Variants in RELN observed in about 807,000 individuals in gnomAD.
RELN encodes the protein reelin.
A neutral mutation model predicts 427.6 loss-of-function variants in RELN; 108 were observed. The observed-to-expected ratio is 0.25, with a 90% CI of 0.22 to 0.30. RELN has a LOEUF of 0.30. RELN is among the 10% of genes least tolerant of loss of function. RELN has a pLI of 1.00. For missense variants in RELN, 3,715 were observed against 4,302.8 expected (o/e 0.86, Z 3.82); for synonymous variants, 1,524 against 1,513.4 (o/e 1.01, Z -0.16).
At chr7:103,977,178 G>A (rs1796895411) in intron 1 of RELN, among the ~76,000 whole-genome samples, 1 of 151,846 alleles carries the variant, frequency 6.6e-6, no homozygotes, top group Admixed American at 6.6e-5. Flanking sequence ...GGGTATGGTG[G>A]TGTGCGCCTG....
chr7:103,833,379 TAA>T (rs890188476), intron 3 of RELN, among the ~76,000 whole-genome samples, 156 bp downstream of exon 3: 31 of 152,372 alleles, frequency 2.0e-4, no homozygotes, highest in African/African-American at 7.2e-4. Context: ...ATTTACTTTT[TAA>T]AAAAGTTTTT....
chr7:103,984,658 A>C (rs941764955), intron 1 of RELN, among the ~76,000 whole-genome samples: 30 of 152,294 alleles, frequency 2.0e-4, no homozygotes, highest in African/African-American at 7.2e-4. Context: ...TATGTAACAA[A>C]TAGAGCAAAA....
chr7:103,861,915 G>T (rs1794079420), intron 2 of RELN, among the ~76,000 whole-genome samples: 1 of 152,060 alleles, frequency 6.6e-6, no homozygotes, highest in East Asian at 1.9e-4. Context: ...TTTATTTTTT[G>T]GTTTTGGTCT....
chr7:103,844,286 C>G (rs964648708), intron 2 of RELN, among the ~76,000 whole-genome samples: 4 of 152,184 alleles, frequency 2.6e-5, no homozygotes, highest in African/African-American at 9.6e-5. Context: ...TTTTCTCTCT[C>G]TCCTCAATGC....
chr7:103,973,968 C>T (rs1343549084), intron 1 of RELN, among the ~76,000 whole-genome samples: 3 of 152,052 alleles, frequency 2.0e-5, no homozygotes, highest in African/African-American at 4.8e-5. Flanking sequence ...CATGGTGAAA[C>T]CCCATCTCTA....
rs781432136 is a variant in RELN at position 103,522,014 on chromosome 7, A to T, written c.7668+8T>A. The T allele has an allele frequency of 6.2e-6, 10 of 1,613,866 alleles. No homozygotes were observed. The highest frequency in any genetic ancestry group is 3.3e-5 in the South Asian group (3 of 91,074). On this transcript the variant is annotated splice_region_variant and intron_variant, in intron 48 of 64. Transcript: ENST00000428762. The stretch of plus-strand genomic sequence containing the variant: ...GCAGAAATGAGTAACCAGCAGCCAA[A>T]CACTCACCCCACTGAAATGGAGAGC...
intron 14 of RELN, 83 bp downstream of exon 14, chr7:103,652,468 T>C: frequency 8.3e-6 from 9 of 1,087,020 alleles, no homozygotes; most frequent in Non-Finnish European, 1.3e-5. Flanking sequence ...GTTAAAACTC[T>C]ACCTAGAAAC....
chr7:103,704,904 G>A (rs1834168259), intron 8 of RELN, among the ~76,000 whole-genome samples: 1 of 152,142 alleles, frequency 6.6e-6, no homozygotes, highest in South Asian at 2.1e-4. Flanking sequence ...GGGAGTTCAT[G>A]TTGCCAAATC....
Position 103,926,505 on chromosome 7 carries a change from G to A in RELN, c.227-9320C>T, listed in dbSNP as rs115687434. On this transcript the variant is annotated intron_variant, in intron 1 of 64. Coordinates refer to ENST00000428762, the MANE Select transcript of RELN (RefSeq NM_005045.4). ...GCAAGAACATGCCAAGAGTGACCTT[G>A]ATAATACTCGTGCGTATGTCATACA... 4.5e-3 allele frequency among the ~76,000 whole-genome samples: 680 copies of A among 152,102 alleles called. 3 individuals are homozygous for A. The highest frequency in any genetic ancestry group is 0.015 in the African/African-American group (628 of 41,528).
intron 60 of RELN, 111 bp downstream of exon 60, chr7:103,489,631 A>T: frequency 8.1e-7 from 1 of 1,240,864 alleles, no homozygotes; most frequent in South Asian, 1.3e-5. Flanking sequence ...TGAATCTCAG[A>T]TCCCTCAGGC....
At chr7:103,651,858 C>T in intron 14 of RELN, 69 bp from the exon 15 acceptor site, 1 of 1,523,460 alleles carries the variant, frequency 6.6e-7, no homozygotes, top group Non-Finnish European at 9.0e-7. Context: ...ATGAAATTTT[C>T]AACTCTGGTT....
intron 64 of RELN, among the ~76,000 whole-genome samples, chr7:103,476,192 C>T (rs1828025967): frequency 6.6e-6 from 1 of 152,122 alleles, no homozygotes; most frequent in South Asian, 2.1e-4. Flanking sequence ...CAGCTGGGTG[C>T]AGTGACTCAC....
intron 46 of RELN, among the ~76,000 whole-genome samples, chr7:103,534,822 A>G (rs1216177208): frequency 6.6e-6 from 1 of 152,224 alleles, no homozygotes; most frequent in Non-Finnish European, 1.5e-5. Context: ...GCTTCAGGTG[A>G]TAATTCTCAA....
chr7:103,648,587 A>G (rs1832844817), intron 16 of RELN, among the ~76,000 whole-genome samples: 1 of 152,126 alleles, frequency 6.6e-6, no homozygotes, highest in South Asian at 2.1e-4. Context: ...CAAAAAGACA[A>G]AGGGGCTTCA....
chr7:103,928,846 C>T (rs1423187983), intron 1 of RELN, among the ~76,000 whole-genome samples: 3 of 151,868 alleles, frequency 2.0e-5, no homozygotes, highest in African/African-American at 4.8e-5. Flanking sequence ...CAATCACAGC[C>T]CTCTGGTGAT....
Position 103,626,792 on chromosome 7 carries a change from A to C in RELN, c.2702+3148T>G, listed in dbSNP as rs191960681. ...ATAGTATTAGATGCAATATTTAATA[A>C]ACTTCAATTAGAATTTTTCCCTTAC... On this transcript the variant is annotated intron_variant, in intron 20 of 64. Transcript: ENST00000428762. This position sits in a 1 kb window ranked among gnomAD's most constrained non-coding sequence, Gnocchi z 4.4. 7.5e-3 allele frequency among the ~76,000 whole-genome samples: 1,135 copies of C among 152,274 alleles called. 23 individuals are homozygous for C. The highest frequency in any genetic ancestry group is 0.011 in the Non-Finnish European group (752 of 67,986).
chr7:103,539,462 ATG>A, intron 44 of RELN, 135 bp from the exon 45 acceptor site: 1 of 821,580 alleles, frequency 1.2e-6, no homozygotes, highest in South Asian at 1.6e-5. Flanking sequence ...GGCCAGCAGA[ATG>A]TGAGGGGCCT....
At chr7:103,787,634 G>C (rs1191877325) in intron 3 of RELN, among the ~76,000 whole-genome samples, 2 of 152,124 alleles carry the variant, frequency 1.3e-5, no homozygotes, top group African/African-American at 4.8e-5. Context: ...TCTAAACCAA[G>C]AAGAAGTCAA....
Position 103,486,220 on chromosome 7 carries a change from C to T in RELN, c.9960G>A (p.Lys3320=). 1 of 1,613,756 alleles carries T rather than the reference C, an allele frequency of 6.2e-7. No individual in the cohort carries two copies. The change falls in exon 61 of 65, where the codon AAG becomes AAA. Residue 3320 remains lysine (K), a synonymous_variant. Coordinates refer to ENST00000428762, the MANE Select transcript of RELN (RefSeq NM_005045.4). ...ACCTTGCTCGAGTGAGATCCAGAGG[C>T]TTGGTAGCTGCTTGCCTGATCTGAC... The part of the protein sequence containing the change: ...NGCQIRQAAT[K]PLDLTRASKI...
Sources: gnomAD v4.1 joint callset for allele counts (sites outside exome capture counted in the v4.1 genomes callset) on GRCh38, gnomAD v4.1.1 for gene constraint, Gnocchi (gnomAD v3.1) non-coding constraint, MANE v1.5 for transcripts, NCBI Gene and HGNC (gene_info 2026-07-23, HGNC 2026-07-21) for gene names.